The following TMC2 variants were observed in gnomAD, a reference collection of about 807,000 sequenced individuals.
The protein encoded by TMC2 is transmembrane channel like 2.
In TMC2, 102 loss-of-function variants were observed where a neutral mutation model predicts 105.9. The observed-to-expected ratio is 0.96, with a 90% CI of 0.82 to 1.14. The LOEUF (loss-of-function observed/expected upper bound fraction) is 1.14. Among genes scored for constraint, TMC2 ranks in the 50% most tolerant of loss-of-function variants. TMC2 has a pLI of 0.00. For synonymous variants in TMC2, 402 were observed against 422.8 expected, an observed-to-expected ratio of 0.95 and a Z score of 0.60; for missense variants, 1,093 against 1,134.3, an observed-to-expected ratio of 0.96 and a Z score of 0.52.
intron 12 of TMC2, among the ~76,000 whole-genome samples, chr20:2,611,308 C>A (rs967084999): frequency 6.6e-6 from 1 of 152,144 alleles, no homozygotes; most frequent in African/African-American, 2.4e-5. Flanking sequence ...TATTATTGAG[C>A]TGTAGGAACT....
intron 2 of TMC2, among the ~76,000 whole-genome samples, chr20:2,539,990 C>CCT (rs2085878334): frequency 8.7e-6 from 1 of 115,118 alleles, no homozygotes; most frequent in Non-Finnish European, 1.7e-5. Context: ...CTTTTCTTTT[C>CCT]TTTTTTTTTT....
intron 17 of TMC2, among the ~76,000 whole-genome samples, chr20:2,632,236 GTTCT>G (rs2086608932): frequency 6.6e-6 from 1 of 151,980 alleles, no homozygotes; most frequent in South Asian, 2.1e-4. Flanking sequence ...GGCCAGGCTG[GTTCT>G]TTCTTCTGTC....
At chr20:2,602,954 C>T (rs2086362567) in intron 11 of TMC2, among the ~76,000 whole-genome samples, 1 of 152,212 alleles carries the variant, frequency 6.6e-6, no homozygotes, top group Non-Finnish European at 1.5e-5. Context: ...GGTCATGTGA[C>T]TTGGTTTAGC....
intron 2 of TMC2, among the ~76,000 whole-genome samples, chr20:2,539,055 C>T (rs765350502): frequency 1.1e-3 from 161 of 152,320 alleles, no homozygotes; most frequent in Non-Finnish European, 2.0e-3. Context: ...GTTGAGATCA[C>T]GGGACTGGAG....
Position 2,629,081 on chromosome 20 carries a change from G to A in TMC2, c.2306+4685G>A, listed in dbSNP as rs573573548. On this transcript the variant is annotated intron_variant, in intron 17 of 19. Coordinates refer to ENST00000358864, the MANE Select transcript of TMC2 (RefSeq NM_080751.3). ...CGCGCCACTGTACTCCAGCCTGGGC[G>A]ACAGAGTGAGACTCCATCTCAAAAA... Among the ~76,000 whole-genome samples, 27 of 152,156 alleles carry A rather than the reference G, an allele frequency of 1.8e-4. 1 individual carries two copies. The South Asian group carries it at 3.3e-3, about 19-fold the overall frequency.
At chr20:2,623,839 T>G (rs933951649) in intron 16 of TMC2, among the ~76,000 whole-genome samples, 1 of 152,240 alleles carries the variant, frequency 6.6e-6, no homozygotes, top group Non-Finnish European at 1.5e-5. Context: ...ATTCTAGGTA[T>G]TTCTGAGAGA....
chr20:2,558,375 G>C lies in TMC2; in HGVS notation c.83-81G>C. ...ACAAGCTCTCGGAATCATCTTGGACGTCTGATTTCTCACGGCCGGGGACAT... is the reference window on the plus strand; with the variant it reads ...ACAAGCTCTCGGAATCATCTTGGACCTCTGATTTCTCACGGCCGGGGACAT... On this transcript the variant is annotated intron_variant, in intron 2 of 19. Coordinates refer to ENST00000358864, the MANE Select transcript of TMC2 (RefSeq NM_080751.3). The surrounding 1 kb of genome is among the most constrained non-coding windows in gnomAD (Gnocchi z 4.6). The C allele has an allele frequency of 6.5e-7, 1 of 1,534,152 alleles. No homozygotes were observed. Among genetic ancestry groups the C allele is most frequent in the Non-Finnish European group, 8.8e-7 (1 of 1,139,362 alleles).
chr20:2,605,260 T>C (rs1432549144), intron 11 of TMC2, among the ~76,000 whole-genome samples: 1 of 152,166 alleles, frequency 6.6e-6, no homozygotes, highest in Admixed American at 6.5e-5. Context: ...GTCCTGGAAG[T>C]AAAGTGTTGA....
chr20:2,605,413 C>T (rs560952291), intron 11 of TMC2, among the ~76,000 whole-genome samples: 3 of 152,286 alleles, frequency 2.0e-5, no homozygotes, highest in African/African-American at 7.2e-5. Context: ...TCCCCTGAGG[C>T]TTGCAGGTGT....
Position 2,624,195 on chromosome 20 carries a change from AG to A in TMC2, c.2181-70del, listed in dbSNP as rs2086547520. The A allele has an allele frequency of 8.0e-6, 12 of 1,497,020 alleles. No individual in the cohort carries two copies. In the Admixed American group the frequency reaches 1.5e-4, roughly 18 times the overall value. The allele number at this position is 1,497,020 out of a possible 1,614,324, so 92.7% of individuals were successfully genotyped here. On this transcript the variant is annotated intron_variant, in intron 16 of 19. Transcript: ENST00000358864. ...GCAGGCAGCAGCCCTGGACCTGGGT[AG>A]GGGGGCCATGGACACAGCTGTGAAT...
chr20:2,560,603 C>T (rs570560036), intron 3 of TMC2, among the ~76,000 whole-genome samples: 27 of 152,018 alleles, frequency 1.8e-4, no homozygotes, highest in African/African-American at 4.8e-4. Flanking sequence ...TTTGGGAGGC[C>T]GAGGTGGGTG....
chr20:2,558,566 A>C lies in TMC2; in HGVS notation c.193A>C (p.Ser65Arg). ...SQKERAGGSPSPGSPRRKQTG... is the reference protein window; with the variant it reads ...SQKERAGGSPRPGSPRRKQTG... Reference sequence around the variant, plus strand: ...GAAGGAGCGCGCCGGGGGCAGCCCAAGCCCGGGGTCTCCCCGGAGGAAGCA... The same window carrying C: ...GAAGGAGCGCGCCGGGGGCAGCCCACGCCCGGGGTCTCCCCGGAGGAAGCA... Residue 65 changes from serine (S) to arginine (R), a missense_variant, in exon 3 of 20, where the codon AGC becomes CGC. By Grantham distance (110) the Ser-to-Arg change is moderately radical. Transcript: ENST00000358864. The surrounding 1 kb of genome is among the most constrained non-coding windows in gnomAD (Gnocchi z 4.6). The C allele has an allele frequency of 6.4e-7, 1 of 1,553,108 alleles. No homozygotes were observed. Among genetic ancestry groups the C allele is most frequent in the Non-Finnish European group, 8.7e-7 (1 of 1,147,978 alleles).
chr20:2,603,618 A>G (rs957042164), intron 11 of TMC2, among the ~76,000 whole-genome samples: 5 of 152,246 alleles, frequency 3.3e-5, no homozygotes, highest in African/African-American at 1.2e-4. Flanking sequence ...ATTTGGATCA[A>G]GTAATTAATT....
chr20:2,636,591 T>C (rs2086646882), intron 18 of TMC2, among the ~76,000 whole-genome samples: 1 of 142,592 alleles, frequency 7.0e-6, no homozygotes, highest in Non-Finnish European at 1.5e-5. Flanking sequence ...TTGCTACTGG[T>C]CCCCCCGTCC....
Position 2,572,283 on chromosome 20 carries a change from G to C in TMC2, c.645+14G>C, listed in dbSNP as rs771855979. ...CTGATGGCCAAGGTGTGTGGGGTGG[G>C]GGCAGTGAATCTGTTGGGAGGGCTT... is the stretch of plus-strand genomic sequence containing the variant. On this transcript the variant is annotated intron_variant, in intron 5 of 19. Coordinates refer to ENST00000358864, the MANE Select transcript of TMC2 (RefSeq NM_080751.3). 6.9e-6 allele frequency: 11 copies of C among 1,599,396 alleles called. No homozygotes were observed. Among genetic ancestry groups the C allele is most frequent in the Non-Finnish European group, 9.4e-6 (11 of 1,167,190 alleles).
At chr20:2,578,074 A>T (rs2086160459) in intron 5 of TMC2, among the ~76,000 whole-genome samples, 2 of 152,038 alleles carry the variant, frequency 1.3e-5, no homozygotes, top group African/African-American at 2.4e-5. Flanking sequence ...TAATCCCAAC[A>T]CTTTGGGAGG....
intron 4 of TMC2, among the ~76,000 whole-genome samples, chr20:2,568,350 A>C (rs1017125125): frequency 6.6e-6 from 1 of 152,184 alleles, no homozygotes; most frequent in African/African-American, 2.4e-5. Context: ...ATCTTCACAG[A>C]GTTCAAAAAA....
Position 2,610,614 on chromosome 20 carries a change from C to T in TMC2, c.1593+16C>T. On this transcript the variant is annotated intron_variant, in intron 12 of 19. Coordinates refer to ENST00000358864, the MANE Select transcript of TMC2 (RefSeq NM_080751.3). ...CCACCTCAAGGTAAAAACCACAACA[C>T]CCCCCACCCCACTGCAATTCCTGGT... 6.7e-7 allele frequency: 1 copy of T among 1,482,136 alleles called. No individual in the cohort carries two copies. The highest frequency in any genetic ancestry group is 9.1e-7 in the Non-Finnish European group (1 of 1,102,966). The allele number at this position is 1,482,136 out of a possible 1,614,324, so 91.8% of individuals were successfully genotyped here. A position where few individuals can be genotyped will look rare whatever the true frequency, so the allele number is the denominator to read the frequency against.
chr20:2,537,625 C>T (rs967282811), intron 2 of TMC2, among the ~76,000 whole-genome samples: 3 of 152,038 alleles, frequency 2.0e-5, no homozygotes, highest in Non-Finnish European at 4.4e-5. Context: ...AGGCTTCTGG[C>T]GGGTGGTGTG....
Sources: allele counts gnomAD v4.1 joint callset (sites outside exome capture counted in the v4.1 genomes callset), GRCh38; gene constraint gnomAD v4.1.1; non-coding constraint Gnocchi (gnomAD v3.1); transcripts MANE v1.5; gene names NCBI Gene and HGNC (gene_info 2026-07-23, HGNC 2026-07-21).